Variants in PTGR1 observed in about 807,000 individuals in gnomAD.
PTGR1 encodes the protein 15-oxoprostaglandin 13-reductase.
Under a neutral mutation model 37.7 loss-of-function variants are expected in PTGR1, and 23 were observed. That is an observed-to-expected ratio of 0.61 (90% CI 0.44 to 0.86). The LOEUF (loss-of-function observed/expected upper bound fraction) is 0.86, where lower values mean the gene tolerates loss of function less well. Ranked by LOEUF, PTGR1 falls within the 40% of genes least tolerant of loss-of-function variation. The pLI is 0.00. For missense variants in PTGR1, 351 were observed against 394.3 expected (o/e 0.89, Z 0.93); for synonymous variants, 134 against 140.0 (o/e 0.96, Z 0.30).
chr9:111,584,317 G>GTTACC (rs1281933029), intron 5 of PTGR1, among the ~76,000 whole-genome samples: 1 of 152,210 alleles, frequency 6.6e-6, no homozygotes, highest in Middle Eastern at 3.2e-3. Context: ...TCACAGTCCA[G>GTTACC]AGGGAATGAC....
chr9:111,554,641 G>A (rs1017749742), intron 9 of PTGR1, among the ~76,000 whole-genome samples: 1 of 151,692 alleles, frequency 6.6e-6, no homozygotes, highest in African/African-American at 2.4e-5. Context: ...GGATATGCTG[G>A]ACAAAGGGAT....
rs773260927 is a variant in PTGR1, at chr9:111,574,840, T to A, written c.654A>T (p.Val218=). Residue 218 remains valine (V), a splice_region_variant and synonymous_variant, in exon 8 of 10, where the codon GTA becomes GTT. Coordinates refer to ENST00000407693, the MANE Select transcript of PTGR1 (RefSeq NM_001146108.2). ...TAACAGTGTTTGAAAACTCTCCACC[T>A]ACCTAAACAGATAGCAAAGACAAAA... ...PDGYDCYFDN[V]GGEFSNTVIG... The A allele has an allele frequency of 7.5e-6, 12 of 1,607,140 alleles. No individual in the cohort carries two copies. In the South Asian group the frequency reaches 1.1e-4, roughly 15 times the overall value.
intron 5 of PTGR1, 59 bp downstream of exon 5, chr9:111,585,939 A>G: frequency 6.3e-7 from 1 of 1,593,594 alleles, no homozygotes; most frequent in Non-Finnish European, 8.6e-7. Flanking sequence ...TGAACAAACC[A>G]TTTTGGAAAA....
At chr9:111,574,622 AAT>A in intron 8 of PTGR1, 110 bp downstream of exon 8, 1 of 704,938 alleles carries the variant, frequency 1.4e-6, no homozygotes, top group Non-Finnish European at 2.3e-6. Context: ...AAAAAAAAAG[AAT>A]ATATGAAAAT....
intron 8 of PTGR1, chr9:111,574,149 A>G (rs1233875335): frequency 6.6e-6 from 1 of 152,176 alleles, no homozygotes; most frequent in Admixed American, 6.6e-5. Context: ...TACCAGCCAG[A>G]CCAAGGTGTT....
intron 9 of PTGR1, among the ~76,000 whole-genome samples, chr9:111,564,956 T>C (rs1828489109): frequency 6.6e-6 from 1 of 151,928 alleles, no homozygotes. Context: ...AAACCCTGTC[T>C]CTACTAAAAA....
intron 6 of PTGR1, among the ~76,000 whole-genome samples, chr9:111,581,027 C>G (rs1446228403): frequency 6.6e-6 from 1 of 152,200 alleles, no homozygotes; most frequent in East Asian, 1.9e-4. Flanking sequence ...TGTGTTCATA[C>G]TGTTTCAAGT....
At position 111,570,219 on chromosome 9, in the gene PTGR1, G is replaced by C. The variant is rs757253320; in HGVS notation, c.761-10C>G. The C allele has an allele frequency of 3.1e-6, 5 of 1,610,996 alleles. No individual in the cohort carries two copies. Among genetic ancestry groups the C allele is most frequent in the Non-Finnish European group, 4.2e-6 (5 of 1,178,626 alleles). On this transcript the variant is annotated splice_polypyrimidine_tract_variant and intron_variant, in intron 8 of 9. Transcript: ENST00000407693. ...ATCTCTGGGGGTGGGCCTGTGAAGA[G>C]AAGGGCACATTTGGGTGGCAGGATC...
chr9:111,550,537 A>G (rs1827909127), intron 9 of PTGR1, among the ~76,000 whole-genome samples: 1 of 152,214 alleles, frequency 6.6e-6, no homozygotes, highest in Admixed American at 6.5e-5. Context: ...TTTACCACTC[A>G]GAATTTCCCC....
At chr9:111,588,742 T>C (rs1369450659) in intron 4 of PTGR1, among the ~76,000 whole-genome samples, 1 of 151,622 alleles carries the variant, frequency 6.6e-6, no homozygotes, top group East Asian at 1.9e-4. Flanking sequence ...CCCAGGCTAG[T>C]CTTGAACTCC....
chr9:111,566,803 G>C (rs562330885), intron 9 of PTGR1, among the ~76,000 whole-genome samples: 2 of 152,280 alleles, frequency 1.3e-5, no homozygotes, highest in African/African-American at 4.8e-5. Context: ...CAAGAAGGGA[G>C]ATGTGCAATA....
intron 2 of PTGR1, 55 bp downstream of exon 2, chr9:111,597,262 A>C: frequency 7.4e-7 from 1 of 1,352,612 alleles, no homozygotes; most frequent in Non-Finnish European, 1.0e-6. Context: ...GTTATGCAGC[A>C]AAAGCTAACT....
downstream of PTGR1, among the ~76,000 whole-genome samples, chr9:111,561,084 A>AATATATATATAT (rs368827456): frequency 5.4e-4 from 11 of 20,346 alleles, no homozygotes; most frequent in East Asian, 1.1e-3. Context: ...CTCCATCTAA[A>AATATATATATAT]ATATATATAT....
rs1367610762 is a variant in PTGR1 at position 111,595,985 on chromosome 9, CTCACTGCCA to C, written c.106+1323_106+1331del. Among the ~76,000 whole-genome samples, 6 of 152,276 alleles carry C rather than the reference CTCACTGCCA, an allele frequency of 3.9e-5. No individual in the cohort carries two copies. In the East Asian group the frequency reaches 1.2e-3, roughly 29 times the overall value. On this transcript the variant is annotated intron_variant, in intron 2 of 9. Coordinates refer to ENST00000407693, the MANE Select transcript of PTGR1 (RefSeq NM_001146108.2). The stretch of plus-strand genomic sequence containing the variant: ...CGTATAGCTACTGGGCAGTGCTTAC[CTCACTGCCA>C]TCATCAGGCTTATGAGGATAGAGAG...
intron 3 of PTGR1, 124 bp downstream of exon 3, chr9:111,594,098 C>A: frequency 9.6e-7 from 1 of 1,041,320 alleles, no homozygotes; most frequent in Non-Finnish European, 1.5e-6. Flanking sequence ...ATCACTGATA[C>A]TGGCTGGGAG....
chr9:111,568,682 C>T lies in PTGR1; in HGVS notation c.879+1409G>A, dbSNP rs770231615. 2.4e-4 allele frequency among the ~76,000 whole-genome samples: 37 copies of T among 152,322 alleles called. No homozygotes were observed. The Middle Eastern group carries it at 0.017, about 70-fold the overall frequency. ...GGTTTTGTGGCTCAGGTGGGTATCA[C>T]GGTCCTACTGATATGTGGTGTCGCC... is the stretch of plus-strand genomic sequence containing the variant. On this transcript the variant is annotated intron_variant, in intron 9 of 9. Coordinates refer to ENST00000407693, the MANE Select transcript of PTGR1 (RefSeq NM_001146108.2).
downstream of PTGR1, among the ~76,000 whole-genome samples, chr9:111,561,084 AATATAT>A (rs368827456): frequency 3.9e-3 from 80 of 20,314 alleles, 1 homozygote; most frequent in South Asian, 0.012. Flanking sequence ...CTCCATCTAA[AATATAT>A]ATATATATAT....
rs1405111407 is a variant in PTGR1, at chr9:111,562,769, C to T, written c.*352G>A. On this transcript the variant is annotated 3_prime_UTR_variant, in exon 10 of 10. Coordinates refer to ENST00000407693, the MANE Select transcript of PTGR1 (RefSeq NM_001146108.2). ...CCTCCCTCACCCCGGCTTCCACAGGCCCCAGCGTGTGTTGTTCCCCTCCCT... is the reference window on the plus strand; with the variant it reads ...CCTCCCTCACCCCGGCTTCCACAGGTCCCAGCGTGTGTTGTTCCCCTCCCT... The T allele has an allele frequency of 3.5e-5, 8 of 226,602 alleles. No homozygotes were observed. The highest frequency in any genetic ancestry group is 5.7e-5 in the Non-Finnish European group (7 of 123,232). The allele number at this position is 226,602 out of a possible 1,614,324, so 14.0% of individuals were successfully genotyped here.
chr9:111,572,790 T>TA (rs1300591454), intron 8 of PTGR1, among the ~76,000 whole-genome samples: 1 of 141,242 alleles, frequency 7.1e-6, no homozygotes, highest in African/African-American at 2.6e-5. Flanking sequence ...ATTAAAAAAT[T>TA]AAAAAAAAAA....
Sources: allele counts gnomAD v4.1 joint callset (sites outside exome capture counted in the v4.1 genomes callset), GRCh38; gene constraint gnomAD v4.1.1; transcripts MANE v1.5; gene names NCBI Gene and HGNC (gene_info 2026-07-23, HGNC 2026-07-21).